The following MACF1 variants were observed in gnomAD, a reference collection of about 807,000 sequenced individuals.
MACF1 encodes the protein microtubule-actin cross-linking factor 1.
Under a neutral mutation model 854.8 loss-of-function variants are expected in MACF1, and 193 were observed. That is an observed-to-expected ratio of 0.23 (90% confidence interval 0.20 to 0.25). The LOEUF is 0.25. Ranked by LOEUF, MACF1 falls within the 10% of genes least tolerant of loss-of-function variation. MACF1 has a pLI of 1.00. For synonymous variants in MACF1, 3,185 were observed against 3,226.7 expected, an observed-to-expected ratio of 0.99 and a Z score of 0.44; for missense variants, 7,722 against 8,929.1, an observed-to-expected ratio of 0.86 and a Z score of 5.45.
rs369150719 is a variant in MACF1, at chr1:39,316,417, G to A, written c.3476G>A (p.Arg1159His). 21 of 1,613,328 alleles carry A rather than the reference G, an allele frequency of 1.3e-5. No individual in the cohort carries two copies. The highest frequency in any genetic ancestry group is 6.7e-5 in the Admixed American group (4 of 59,928). The change falls in exon 28 of 101, where the codon CGT (arginine) becomes CAT (histidine). Residue 1159 changes from arginine to histidine, a missense_variant. Physicochemically the swap from Arg to His is conservative, Grantham distance 29. Around this residue, in one of 15 missense-constraint regions of MACF1, gnomAD observed 1,137 missense variants for 1,263.0 expected, o/e 0.90. Coordinates refer to ENST00000564288, the MANE Select transcript of MACF1 (RefSeq NM_001394062.1). ...NKLKTVDVIV[R>H]SIQDAELLVK... is the part of the protein sequence containing the mutation. ...TTAAAGACAGTTGATGTTATAGTAC[G>A]TAGCATACAGGATGCTGAACTCTTG...
intron 71 of MACF1, among the ~76,000 whole-genome samples, chr1:39,438,350 A>G (rs1233984707): frequency 6.6e-6 from 1 of 152,232 alleles, no homozygotes; most frequent in Non-Finnish European, 1.5e-5. Context: ...TGGAAACAAG[A>G]GTTCTCATCT....
intron 69 of MACF1, among the ~76,000 whole-genome samples, chr1:39,435,059 T>C (rs1643943223): frequency 6.6e-6 from 1 of 152,264 alleles, no homozygotes; most frequent in Admixed American, 6.5e-5. Flanking sequence ...TTCTGGTTTA[T>C]GGCTTGTGCT....
chr1:39,418,121 TCAA>T (rs1420926642), intron 58 of MACF1, among the ~76,000 whole-genome samples: 1 of 152,162 alleles, frequency 6.6e-6, no homozygotes, highest in Non-Finnish European at 1.5e-5. Flanking sequence ...GGAGGTAAAA[TCAA>T]CAAGATCTGA....
chr1:39,463,021 A>T (rs1253932340), intron 93 of MACF1, among the ~76,000 whole-genome samples: 1 of 152,198 alleles, frequency 6.6e-6, no homozygotes, highest in Non-Finnish European at 1.5e-5. Context: ...GCATATTAGC[A>T]CTTTTCTCTG....
At chr1:39,381,194 A>G (rs1203755753) in intron 55 of MACF1, among the ~76,000 whole-genome samples, 1 of 151,946 alleles carries the variant, frequency 6.6e-6, no homozygotes, top group Non-Finnish European at 1.5e-5. Flanking sequence ...AGTAGCTGGC[A>G]TTGCAGGCAT....
chr1:39,165,256 G>C (rs1184093294), intron 2 of MACF1, among the ~76,000 whole-genome samples: 1 of 152,146 alleles, frequency 6.6e-6, no homozygotes, highest in South Asian at 2.1e-4. Flanking sequence ...ATAAAAGGGC[G>C]ATTCTCTCCA....
intron 38 of MACF1, 87 bp from the exon 39 acceptor site, chr1:39,340,415 A>G (rs1257713343): frequency 2.2e-6 from 2 of 898,760 alleles, no homozygotes; most frequent in Non-Finnish European, 3.5e-6. Flanking sequence ...GTGTGTAGAC[A>G]TGGGGTGAGA....
intron 2 of MACF1, among the ~76,000 whole-genome samples, chr1:39,137,387 A>T (rs1184050166): frequency 1.3e-5 from 2 of 152,080 alleles, no homozygotes; most frequent in East Asian, 3.9e-4. Context: ...ATTTTTTTAA[A>T]GACAGGTTCT....
intron 2 of MACF1, among the ~76,000 whole-genome samples, chr1:39,132,579 T>C (rs1643029365): frequency 6.6e-6 from 1 of 151,974 alleles, no homozygotes; most frequent in Admixed American, 6.6e-5. Flanking sequence ...GAAAACGGAG[T>C]AGTCATTTCC....
chr1:39,387,732 A>G lies in MACF1; in HGVS notation c.14890A>G (p.Ser4964Gly). The stretch of plus-strand genomic sequence containing the variant: ...CCGCTCCCTGCTGGAAATATTGAAT[A>G]GTGCTGCTGACATTCTGATCAATTC... Reference protein sequence around the residue: ...KRRSLLEILNSAADILINSSE... With the variant: ...KRRSLLEILNGAADILINSSE... The change falls in exon 58 of 101, where the codon AGT (serine) becomes GGT (glycine). Residue 4964 changes from serine to glycine, a missense_variant. Around this residue, in one of 15 missense-constraint regions of MACF1, gnomAD observed 2,807 missense variants for 3,235.8 expected, o/e 0.87. Transcript: ENST00000564288. The G allele has an allele frequency of 6.2e-7, 1 of 1,614,158 alleles. No individual in the cohort carries two copies. The highest frequency in any genetic ancestry group is 2.2e-5 in the East Asian group (1 of 44,882).
chr1:39,146,532 C>G (rs565174481), intron 2 of MACF1, among the ~76,000 whole-genome samples: 11 of 151,744 alleles, frequency 7.2e-5, no homozygotes, highest in South Asian at 2.1e-4. Context: ...GAATGACATT[C>G]TGTCATTTAC....
chr1:39,462,326 C>G (rs1339360294), intron 93 of MACF1, among the ~76,000 whole-genome samples: 1 of 152,160 alleles, frequency 6.6e-6, no homozygotes, highest in Non-Finnish European at 1.5e-5. Context: ...TCCTGGTTCA[C>G]TCGTCCTGTG....
intron 13 of MACF1, 27 bp downstream of exon 13, chr1:39,285,417 A>G (rs1314345886): frequency 1.9e-6 from 3 of 1,609,898 alleles, no homozygotes; most frequent in Non-Finnish European, 2.5e-6. Flanking sequence ...TTTGTCCAAC[A>G]TCTGTGTCAC....
chr1:39,370,604 A>G (rs1649140888), intron 51 of MACF1, among the ~76,000 whole-genome samples: 2 of 152,208 alleles, frequency 1.3e-5, no homozygotes, highest in Non-Finnish European at 2.9e-5. Context: ...TTACACCTCT[A>G]ACCTATGTCT....
chr1:39,165,179 G>A (rs1267828411), intron 2 of MACF1, among the ~76,000 whole-genome samples: 1 of 152,128 alleles, frequency 6.6e-6, no homozygotes, highest in Admixed American at 6.5e-5. Flanking sequence ...ACAGGCTTGC[G>A]TCCTGCATCC....
At chr1:39,216,448 G>C (rs756145997) in intron 1 of MACF1, among the ~76,000 whole-genome samples, 4 of 152,140 alleles carry the variant, frequency 2.6e-5, no homozygotes, top group Admixed American at 2.6e-4. Flanking sequence ...CTAACAAGGA[G>C]CAAAATTGTG....
intron 2 of MACF1, among the ~76,000 whole-genome samples, chr1:39,234,790 G>A (rs1348499443): frequency 9.3e-6 from 1 of 107,012 alleles, no homozygotes; most frequent in Non-Finnish European, 2.1e-5. Flanking sequence ...CTTCTCAGAC[G>A]GGGCGGCCGG....
intron 2 of MACF1, among the ~76,000 whole-genome samples, chr1:39,247,173 C>T (rs547983976): frequency 1.4e-3 from 207 of 144,972 alleles, no homozygotes; most frequent in Middle Eastern, 3.6e-3. Context: ...CCCGAGTTCA[C>T]GCCATTCTCC....
At chr1:39,195,133 G>A (rs1210763361) in intron 2 of MACF1, among the ~76,000 whole-genome samples, 4 of 152,070 alleles carry the variant, frequency 2.6e-5, no homozygotes, top group Non-Finnish European at 2.9e-5. Flanking sequence ...AAGATGGTTC[G>A]ACACCCTTGT....
Sources: allele counts gnomAD v4.1 joint callset (sites outside exome capture counted in the v4.1 genomes callset), GRCh38; gene constraint gnomAD v4.1.1; regional missense constraint gnomAD v4.1.1; transcripts MANE v1.5; gene names NCBI Gene and HGNC (gene_info 2026-07-23, HGNC 2026-07-21).